TENM3: variants seen among roughly 807,000 people sequenced by gnomAD.
TENM3 encodes teneurin transmembrane protein 3, also known as teneurin-3.
A neutral mutation model predicts 255.1 loss-of-function variants in TENM3; 63 were observed. The observed-to-expected ratio is 0.25, with a 90% CI of 0.20 to 0.30. The LOEUF is 0.30. Among genes scored for constraint, TENM3 ranks in the 10% least tolerant of loss-of-function variants. The probability of loss-of-function intolerance (pLI) is 1.00; values close to 1 mark genes in which losing one functional copy is unlikely to be tolerated. For synonymous variants in TENM3, 1,306 were observed against 1,322.3 expected, an observed-to-expected ratio of 0.99 and a Z score of 0.27; for missense variants, 2,929 against 3,461.1, an observed-to-expected ratio of 0.85 and a Z score of 3.86.
the TENM3 span, among the ~76,000 whole-genome samples, chr4:182,125,565 T>C: frequency 6.6e-6 from 1 of 152,172 alleles, no homozygotes; most frequent in African/African-American, 2.4e-5. Context: ...TTGACAAAAG[T>C]GTTTTCTGTG....
chr4:182,274,504 T>A (rs1759862367), intron 1 of TENM3, among the ~76,000 whole-genome samples: 1 of 152,006 alleles, frequency 6.6e-6, no homozygotes, highest in African/African-American at 2.4e-5. Flanking sequence ...GAGGACGTGT[T>A]TGGATATTGA....
At chr4:182,014,133 TAC>T in the TENM3 span, among the ~76,000 whole-genome samples, 3 of 146,434 alleles carry the variant, frequency 2.0e-5, no homozygotes, top group East Asian at 6.0e-4. Flanking sequence ...TATATACATA[TAC>T]ACACACATAT....
chr4:181,895,215 T>A, the TENM3 span, among the ~76,000 whole-genome samples: 254 of 152,190 alleles, frequency 1.7e-3, no homozygotes, highest in South Asian at 0.011. Flanking sequence ...AAATAATGTG[T>A]TTGTATTGTG....
the TENM3 span, among the ~76,000 whole-genome samples, chr4:181,546,437 T>A: frequency 6.6e-6 from 1 of 150,962 alleles, no homozygotes; most frequent in Non-Finnish European, 1.5e-5. Context: ...CACCTGAGGC[T>A]GAGCGCGGTG....
chr4:181,718,183 A>C, the TENM3 span, among the ~76,000 whole-genome samples: 1 of 152,248 alleles, frequency 6.6e-6, no homozygotes, highest in Non-Finnish European at 1.5e-5. Context: ...AGAATGGAAG[A>C]ATACAAGTCT....
intron 1 of TENM3, among the ~76,000 whole-genome samples, chr4:182,290,575 T>C (rs1031370276): frequency 1.3e-5 from 2 of 151,616 alleles, no homozygotes; most frequent in Non-Finnish European, 2.9e-5. Flanking sequence ...CAATCTCTGC[T>C]CACTGCAATC....
chr4:182,799,731 T>A lies in TENM3; in HGVS notation c.7480T>A (p.Ser2494Thr). ...CTGGCTGTGGTTCGCCACGGTCAAG[T>A]CGCTGATCGGCAAGGGCGTCATGCT... ...QSWLWFATVK[S>T]LIGKGVMLAV... Residue 2494 changes from serine (S) to threonine (T), a missense_variant, in exon 28 of 28, where the codon TCG (serine) becomes ACG (threonine). Physicochemically the swap from Ser to Thr is moderately conservative, Grantham distance 58. Around this residue, in one of 6 missense-constraint regions of TENM3, gnomAD observed 476 missense variants for 480.1 expected, o/e 0.99. Transcript: ENST00000511685. The surrounding 1 kb of genome is among the most constrained non-coding windows in gnomAD (Gnocchi z 4.2). 6.4e-7 allele frequency: 1 copy of A among 1,556,122 alleles called. No homozygotes were observed. The highest frequency in any genetic ancestry group is 8.7e-7 in the Non-Finnish European group (1 of 1,150,752).
chr4:182,110,109 G>T, the TENM3 span, among the ~76,000 whole-genome samples: 2 of 58,256 alleles, frequency 3.4e-5, no homozygotes, highest in African/African-American at 1.1e-4. Context: ...GCGAGACTCT[G>T]TCTCAAAAAA....
the TENM3 span, among the ~76,000 whole-genome samples, chr4:181,835,632 C>T: frequency 2.6e-5 from 4 of 152,152 alleles, no homozygotes; most frequent in African/African-American, 9.7e-5. Context: ...GAATCTATTG[C>T]ATATTCAGCT....
chr4:182,315,500 T>G (rs770789172), intron 1 of TENM3, among the ~76,000 whole-genome samples: 38 of 152,304 alleles, frequency 2.5e-4, no homozygotes, highest in East Asian at 3.9e-4. Context: ...CTTTTTCCTG[T>G]GTCTGCCTTT....
the TENM3 span, among the ~76,000 whole-genome samples, chr4:181,539,271 G>C: frequency 9.2e-5 from 14 of 152,198 alleles, no homozygotes; most frequent in African/African-American, 3.4e-4. Flanking sequence ...ATTACCCAAA[G>C]GTTCTTCAAC....
At chr4:182,715,475 A>G (rs1345079674) in intron 13 of TENM3, among the ~76,000 whole-genome samples, 1 of 152,224 alleles carries the variant, frequency 6.6e-6, no homozygotes, top group East Asian at 1.9e-4. Context: ...AAATAGGAAT[A>G]AAAGAGTTTT....
chr4:182,250,910 C>A (rs1476007327), intron 1 of TENM3, among the ~76,000 whole-genome samples: 2 of 152,268 alleles, frequency 1.3e-5, no homozygotes, highest in East Asian at 3.9e-4. Flanking sequence ...TTTAATGGTG[C>A]GGCATTTCAG....
chr4:182,795,454 G>A (rs765887364), intron 26 of TENM3, among the ~76,000 whole-genome samples: 2 of 152,076 alleles, frequency 1.3e-5, no homozygotes, highest in Non-Finnish European at 2.9e-5. Context: ...TGCATCCTGT[G>A]TGAACCACTT....
chr4:181,672,876 G>A, the TENM3 span, among the ~76,000 whole-genome samples: 4 of 152,226 alleles, frequency 2.6e-5, no homozygotes, highest in South Asian at 8.3e-4. Context: ...CCTTGTCATG[G>A]GGCTTACAAA....
chr4:181,506,562 G>A, the TENM3 span, among the ~76,000 whole-genome samples: 1 of 151,766 alleles, frequency 6.6e-6, no homozygotes, highest in Non-Finnish European at 1.5e-5. Context: ...TACGCTGTCC[G>A]GCATCATCTC....
the TENM3 span, among the ~76,000 whole-genome samples, chr4:181,794,009 AT>A: frequency 6.6e-6 from 1 of 152,272 alleles, no homozygotes; most frequent in East Asian, 1.9e-4. Flanking sequence ...ATCCAAAAAC[AT>A]TTTGATTTAA....
At chr4:181,995,509 C>G in the TENM3 span, among the ~76,000 whole-genome samples, 1 of 152,026 alleles carries the variant, frequency 6.6e-6, no homozygotes. Flanking sequence ...AAATGGCAAT[C>G]AGGTTGTATT....
At chr4:181,901,776 A>C in the TENM3 span, among the ~76,000 whole-genome samples, 1 of 152,210 alleles carries the variant, frequency 6.6e-6, no homozygotes, top group African/African-American at 2.4e-5. Context: ...TTATGGATTA[A>C]AATATAAAAT....
Sources: allele counts gnomAD v4.1 joint callset (sites outside exome capture counted in the v4.1 genomes callset), GRCh38; gene constraint gnomAD v4.1.1; regional missense constraint gnomAD v4.1.1; non-coding constraint Gnocchi (gnomAD v3.1); transcripts MANE v1.5; gene names NCBI Gene and HGNC (gene_info 2026-07-23, HGNC 2026-07-21).